Variants in TSNARE1 observed in about 807,000 individuals in gnomAD.
TSNARE1 encodes the protein t-SNARE domain-containing protein 1.
Under a neutral mutation model 62.0 loss-of-function variants are expected in TSNARE1, and 49 were observed. The observed-to-expected ratio is 0.79, with a 90% CI of 0.63 to 1.00. TSNARE1 has a LOEUF of 1.00. Ranked by LOEUF, TSNARE1 falls within the 50% of genes least tolerant of loss-of-function variation. The probability of loss-of-function intolerance (pLI) is 0.00; values close to 1 mark genes in which losing one functional copy is unlikely to be tolerated. For synonymous variants in TSNARE1, 328 were observed against 294.4 expected (o/e 1.11, Z -1.17); for missense variants, 755 against 700.1 (o/e 1.08, Z -0.88).
chr8:142,297,899 C>T (rs546341059), intron 10 of TSNARE1, among the ~76,000 whole-genome samples: 1 of 152,324 alleles, frequency 6.6e-6, no homozygotes, highest in African/African-American at 2.4e-5. Flanking sequence ...ACTCCCACCC[C>T]GCCGCCCTCC....
chr8:142,331,097 G>C, intron 5 of TSNARE1, 127 bp from the exon 6 acceptor site: 2 of 783,042 alleles, frequency 2.6e-6, no homozygotes, highest in Non-Finnish European at 4.2e-6. Context: ...CTTGAGCCAG[G>C]GCAGACCACC....
In TSNARE1 at chr8:142,318,533, C is replaced by T. The variant is rs1828941849; in HGVS notation, c.984+11G>A. ...TCTCCTCCCTCCCAGCCCCAGACCC[C>T]AGGAACATACCGGGCAGGAGCTGCG... On this transcript the variant is annotated intron_variant, in intron 7 of 13. Coordinates refer to ENST00000524325, the MANE Select transcript of TSNARE1 (RefSeq NM_145003.5). 4 of 1,611,370 alleles carry T rather than the reference C, an allele frequency of 2.5e-6. No individual in the cohort carries two copies. The highest frequency in any genetic ancestry group is 2.2e-5 in the East Asian group (1 of 44,838).
At chr8:142,339,968 T>C (rs1265784094) in intron 4 of TSNARE1, among the ~76,000 whole-genome samples, 1 of 152,210 alleles carries the variant, frequency 6.6e-6, no homozygotes, top group Non-Finnish European at 1.5e-5. Context: ...TAGAGGCACT[T>C]CCCAACAGGG....
intron 12 of TSNARE1, chr8:142,271,701 G>T: frequency 7.3e-7 from 1 of 1,360,732 alleles, no homozygotes; most frequent in South Asian, 1.8e-5. Flanking sequence ...GCTAACAGAG[G>T]GAGACAGGAA....
chr8:142,355,549 C>A (rs1339382913), intron 1 of TSNARE1, among the ~76,000 whole-genome samples: 1 of 152,154 alleles, frequency 6.6e-6, no homozygotes, highest in Non-Finnish European at 1.5e-5. Context: ...TCCAGGGACT[C>A]AGAGCAAATG....
chr8:142,256,292 CCACACCCACCACCACCA>C, intron 12 of TSNARE1, among the ~76,000 whole-genome samples: 5 of 116,712 alleles, frequency 4.3e-5, no homozygotes, highest in Admixed American at 1.7e-4. Context: ...ACCATCATCA[CCACACCCACCACCACCA>C]TCATCACCAC....
chr8:142,387,581 C>T (rs1003453154), intron 1 of TSNARE1, among the ~76,000 whole-genome samples: 5 of 151,138 alleles, frequency 3.3e-5, no homozygotes, highest in Admixed American at 6.6e-5. Flanking sequence ...CCGCAGAAAC[C>T]AAAGATATTA....
intron 2 of TSNARE1, among the ~76,000 whole-genome samples, chr8:142,348,881 C>T (rs963234196): frequency 2.0e-5 from 3 of 152,072 alleles, no homozygotes; most frequent in East Asian, 1.9e-4. Context: ...GTCCAGAGAA[C>T]GTTATAGTGA....
chr8:142,266,549 T>C (rs1819142816), intron 12 of TSNARE1, among the ~76,000 whole-genome samples: 1 of 152,208 alleles, frequency 6.6e-6, no homozygotes, highest in Non-Finnish European at 1.5e-5. Flanking sequence ...GATACTACCA[T>C]TTTCTGGCTT....
At chr8:142,366,169 T>C (rs1200210855) in intron 1 of TSNARE1, among the ~76,000 whole-genome samples, 5 of 152,090 alleles carry the variant, frequency 3.3e-5, no homozygotes, top group Admixed American at 2.6e-4. Context: ...CCCGAGTAGC[T>C]GGGACTACAG....
chr8:142,242,474 G>A (rs1331554373), intron 12 of TSNARE1, among the ~76,000 whole-genome samples: 1 of 152,246 alleles, frequency 6.6e-6, no homozygotes, highest in Admixed American at 6.5e-5. Flanking sequence ...AGAGTGAAGA[G>A]ATGACCTGCA....
At position 142,344,402 on chromosome 8, in the gene TSNARE1, C is replaced by A. The variant is rs1226812377; in HGVS notation, c.309G>T (p.Lys103Asn). 6.3e-7 allele frequency: 1 copy of A among 1,587,570 alleles called. No individual in the cohort carries two copies. The highest frequency in any genetic ancestry group is 8.6e-7 in the Non-Finnish European group (1 of 1,168,464). The change falls in exon 4 of 14, where the codon AAG becomes AAT. Residue 103 changes from lysine to asparagine, a missense_variant. Physicochemically the swap from Lys to Asn is moderately conservative, Grantham distance 94. Transcript: ENST00000524325. ...GGCCATGGGGCCCAGCAGCCGAGTC[C>A]TTCCTCGGGCCAATGGTGGGTGATG... ...PTSSPTIGPR[K>N]DSAAGPHGRM...
At chr8:142,361,871 C>T (rs946857503) in intron 1 of TSNARE1, among the ~76,000 whole-genome samples, 4 of 152,226 alleles carry the variant, frequency 2.6e-5, no homozygotes, top group South Asian at 2.1e-4. Flanking sequence ...TGCAGACCGC[C>T]GGGAGCCCTC....
intron 12 of TSNARE1, among the ~76,000 whole-genome samples, chr8:142,267,544 A>C (rs1399040346): frequency 6.6e-6 from 1 of 152,060 alleles, no homozygotes; most frequent in Non-Finnish European, 1.5e-5. Flanking sequence ...CCTGGACATG[A>C]CCCTGCAGCT....
rs565587538 is a variant in TSNARE1 at position 142,218,974 on chromosome 8, C to T, written c.*12-6661G>A. On this transcript the variant is annotated intron_variant, in intron 13 of 13. Transcript: ENST00000524325. ...GACAGTCAAGGAGGCAGGAGTCTTG[C>T]CAAGCCCATCTCAATTTCAGAACGA... is the stretch of plus-strand genomic sequence containing the variant. Among the ~76,000 whole-genome samples, 63 of 152,306 alleles carry T rather than the reference C, an allele frequency of 4.1e-4. 1 individual carries two copies. The South Asian group carries it at 0.013, about 32-fold the overall frequency.
At chr8:142,231,552 A>C (rs1817117169) in intron 12 of TSNARE1, among the ~76,000 whole-genome samples, 1 of 152,180 alleles carries the variant, frequency 6.6e-6, no homozygotes, top group African/African-American at 2.4e-5. Flanking sequence ...GGCGCACTGA[A>C]TTAAGGACAA....
At chr8:142,228,313 G>A (rs1816934708) in intron 13 of TSNARE1, among the ~76,000 whole-genome samples, 1 of 152,200 alleles carries the variant, frequency 6.6e-6, no homozygotes, top group South Asian at 2.1e-4. Flanking sequence ...TGCTTAACAT[G>A]TTTCAGAGGC....
At chr8:142,277,164 G>T in intron 11 of TSNARE1, 1 of 985,314 alleles carries the variant, frequency 1.0e-6, no homozygotes, top group Non-Finnish European at 1.2e-6. Context: ...AGAGCCACAG[G>T]CCCTGGGCAC....
At chr8:142,385,364 A>G (rs1441102164) in intron 1 of TSNARE1, among the ~76,000 whole-genome samples, 1 of 152,236 alleles carries the variant, frequency 6.6e-6, no homozygotes, top group African/African-American at 2.4e-5. Flanking sequence ...AACACCTTCA[A>G]AACAAACCTC....
Sources: allele counts gnomAD v4.1 joint callset (sites outside exome capture counted in the v4.1 genomes callset), GRCh38; gene constraint gnomAD v4.1.1; transcripts MANE v1.5; gene names NCBI Gene and HGNC (gene_info 2026-07-23, HGNC 2026-07-21).